PPEF1: variants seen among roughly 807,000 people sequenced by gnomAD.
PPEF1 encodes serine/threonine-protein phosphatase with EF-hands 1.
Under a neutral mutation model 53.3 loss-of-function variants are expected in PPEF1, and 12 were observed. The ratio of observed to expected loss-of-function variants is 0.23; its 90% CI spans 0.14 to 0.36. The LOEUF (loss-of-function observed/expected upper bound fraction) is 0.36. PPEF1 is among the 10% of genes least tolerant of loss of function. The probability of loss-of-function intolerance (pLI) is 1.00; values close to 1 mark genes in which losing one functional copy is unlikely to be tolerated. For synonymous variants in PPEF1, 165 were observed against 176.7 expected (o/e 0.93, Z 0.52); for missense variants, 334 against 490.4 (o/e 0.68, Z 3.01).
At position 18,749,967 on chromosome X, in the gene PPEF1, A is replaced by G; in HGVS notation, c.396+15A>G. 8.5e-7 allele frequency: 1 copy of G among 1,178,252 alleles called. No individual in the cohort carries two copies. The highest frequency in any genetic ancestry group is 1.8e-5 in the South Asian group (1 of 55,795). ...AGGAACAACAGGTAAGTGGAAGCAG[A>G]TGCTGCCTTGATTCTTGTACATAAC... On this transcript the variant is annotated intron_variant, in intron 4 of 15. Transcript: ENST00000470157.
intron 2 of PPEF1, among the ~76,000 whole-genome samples, chrX:18,684,855 G>A (rs1310249530): frequency 9.0e-6 from 1 of 111,549 alleles, no homozygotes; most frequent in African/African-American, 3.3e-5. Flanking sequence ...TTGAACTCCT[G>A]ACATCAGGTG....
At chrX:18,765,368 A>G (rs1325982152) in intron 6 of PPEF1, among the ~76,000 whole-genome samples, 1 of 111,955 alleles carries the variant, frequency 8.9e-6, no homozygotes, top group Non-Finnish European at 1.9e-5. Context: ...AAGAAACTGA[A>G]AAGAGATCTA....
chrX:18,684,482 A>G (rs988233863), intron 1 of PPEF1, among the ~76,000 whole-genome samples: 1 of 111,227 alleles, frequency 9.0e-6, no homozygotes, highest in African/African-American at 3.3e-5. Context: ...AACCTTCACA[A>G]TCACCCACGA....
chrX:18,685,055 T>C lies in PPEF1; in HGVS notation c.-520+286T>C, dbSNP rs1422041675. Among the ~76,000 whole-genome samples, 3 of 112,289 alleles carry C rather than the reference T, an allele frequency of 2.7e-5. No individual in the cohort carries two copies. The East Asian group carries it at 8.4e-4, about 32-fold the overall frequency. On this transcript the variant is annotated intron_variant, in intron 2 of 21. Coordinates refer to the PPEF1 transcript ENST00000361511. ...AACACCTGATAGCAGCCAGTGCTAATTGGTGATGGAAATGGAATGGGTTAC... is the reference window on the plus strand; with the variant it reads ...AACACCTGATAGCAGCCAGTGCTAACTGGTGATGGAAATGGAATGGGTTAC...
chrX:18,714,523 G>A (rs938769198), intron 1 of PPEF1, among the ~76,000 whole-genome samples: 9 of 111,362 alleles, frequency 8.1e-5, no homozygotes, highest in South Asian at 3.8e-4. Context: ...CGCCCGCCTC[G>A]GCCTCCCAAA....
At chrX:18,817,586 C>T (rs778610091) in intron 12 of PPEF1, among the ~76,000 whole-genome samples, 4 of 111,097 alleles carry the variant, frequency 3.6e-5, no homozygotes, top group East Asian at 2.8e-4. Flanking sequence ...GTCATCCACC[C>T]GCCTCGGCCT....
intron 9 of PPEF1, among the ~76,000 whole-genome samples, chrX:18,788,190 G>A (rs866884465): frequency 6.5e-5 from 7 of 106,934 alleles, no homozygotes; most frequent in Non-Finnish European, 1.2e-4. Flanking sequence ...GGTGGCGGGC[G>A]CCTGTAGTCA....
At chrX:18,778,353 CAA>C (rs1183095270) in intron 6 of PPEF1, among the ~76,000 whole-genome samples, 3 of 111,425 alleles carry the variant, frequency 2.7e-5, no homozygotes, top group South Asian at 3.8e-4. Context: ...TTTTCATACT[CAA>C]GAGTGATATT....
At chrX:18,725,265 G>T (rs1358550446) in intron 1 of PPEF1, among the ~76,000 whole-genome samples, 1 of 111,398 alleles carries the variant, frequency 9.0e-6, no homozygotes, top group African/African-American at 3.3e-5. Flanking sequence ...CTGCAGGGAA[G>T]TTACCACCCT....
Position 18,788,185 on chromosome X carries a change from C to G in PPEF1, c.913-936C>G, listed in dbSNP as rs112583554. Among the ~76,000 whole-genome samples the G allele has an allele frequency of 3.0e-4, 32 of 106,124 alleles. 1 individual carries two copies. Among genetic ancestry groups the G allele is most frequent in the Admixed American group, 2.3e-3 (22 of 9,745 alleles). The allele number at this position is 106,124 out of a possible 115,157, so 92.2% of individuals were successfully genotyped here. On this transcript the variant is annotated intron_variant, in intron 9 of 15. Coordinates refer to ENST00000470157, the MANE Select transcript of PPEF1 (RefSeq NM_001377996.1). ...AGAAAAAATTAGCCGGGCGTGGTGGCGGGCGCCTGTAGTCAGTGCTGAGGC... is the reference window on the plus strand; with the variant it reads ...AGAAAAAATTAGCCGGGCGTGGTGGGGGGCGCCTGTAGTCAGTGCTGAGGC...
chrX:18,825,135 T>A (rs1321789775), intron 14 of PPEF1, among the ~76,000 whole-genome samples: 3 of 112,194 alleles, frequency 2.7e-5, no homozygotes, highest in Non-Finnish European at 3.8e-5. Context: ...ATCCCCATAC[T>A]TATTAGTTAA....
At chrX:18,743,409 A>G (rs1211957228) in intron 3 of PPEF1, among the ~76,000 whole-genome samples, 2 of 104,525 alleles carry the variant, frequency 1.9e-5, no homozygotes, top group East Asian at 5.9e-4. Flanking sequence ...TGAGCAGTCA[A>G]GTTGCTCACT....
At chrX:18,722,998 T>G (rs1367538516) in intron 1 of PPEF1, among the ~76,000 whole-genome samples, 1 of 110,019 alleles carries the variant, frequency 9.1e-6, no homozygotes, top group Non-Finnish European at 1.9e-5. Flanking sequence ...ATTTTTTTTT[T>G]TTTTGTGACG....
At chrX:18,700,256 TG>T (rs1440975296) in intron 5 of PPEF1, 3 of 104,485 alleles carry the variant, frequency 2.9e-5, no homozygotes, top group Non-Finnish European at 5.8e-5. Flanking sequence ...TGTGTGTGTG[TG>T]TGTGTGTGTG....
intron 1 of PPEF1, among the ~76,000 whole-genome samples, chrX:18,714,059 C>A (rs1222000958): frequency 9.0e-6 from 1 of 110,790 alleles, no homozygotes; most frequent in Admixed American, 9.7e-5. Context: ...ATGAAATTAT[C>A]GTGTCAAGGG....
chrX:18,808,971 C>T (rs1666629041), intron 12 of PPEF1, among the ~76,000 whole-genome samples: 1 of 111,129 alleles, frequency 9.0e-6, no homozygotes, highest in African/African-American at 3.3e-5. Flanking sequence ...CTCAGTGTGG[C>T]ATTATTCACA....
At chrX:18,775,801 C>A (rs2045954666) in intron 6 of PPEF1, among the ~76,000 whole-genome samples, 1 of 112,197 alleles carries the variant, frequency 8.9e-6, no homozygotes, top group Non-Finnish European at 1.9e-5. Context: ...ACAACAGTTT[C>A]TACTCCTGCA....
intron 4 of PPEF1, among the ~76,000 whole-genome samples, chrX:18,750,657 G>T (rs1489243019): frequency 1.8e-5 from 2 of 111,219 alleles, no homozygotes; most frequent in Non-Finnish European, 3.8e-5. Context: ...GTTCTCTTGG[G>T]CTTATACTTA....
At chrX:18,763,051 C>A (rs1027449075) in intron 6 of PPEF1, among the ~76,000 whole-genome samples, 1 of 111,881 alleles carries the variant, frequency 8.9e-6, no homozygotes, top group Non-Finnish European at 1.9e-5. Flanking sequence ...AGCTTATATA[C>A]CTTCTAAGCT....
Sources: gnomAD v4.1 joint callset for allele counts (sites outside exome capture counted in the v4.1 genomes callset) on GRCh38, gnomAD v4.1.1 for gene constraint, MANE v1.5 for transcripts, NCBI Gene and HGNC (gene_info 2026-07-23, HGNC 2026-07-21) for gene names.